The following LPAR6 variants were observed in gnomAD, a reference collection of about 807,000 sequenced individuals.
LPAR6 encodes G-protein coupled purinergic receptor P2Y5.
A neutral mutation model predicts 22.0 loss-of-function variants in LPAR6; 17 were observed. The observed-to-expected ratio is 0.77, with a 90% confidence interval of 0.53 to 1.16. The LOEUF (loss-of-function observed/expected upper bound fraction) is 1.16, where lower values mean the gene tolerates loss of function less well. Among genes scored for constraint, LPAR6 ranks in the 50% most tolerant of loss-of-function variants. The pLI, the probability that LPAR6 is intolerant of heterozygous loss-of-function variation, is 0.00. For missense variants in LPAR6, 384 were observed against 406.9 expected, an observed-to-expected ratio of 0.94 and a Z score of 0.48; for synonymous variants, 136 against 139.8, an observed-to-expected ratio of 0.97 and a Z score of 0.19.
At chr13:48,391,706 C>T (rs1948612186) in intron 1 of LPAR6, among the ~76,000 whole-genome samples, 1 of 152,028 alleles carries the variant, frequency 6.6e-6, no homozygotes, top group South Asian at 2.1e-4. Flanking sequence ...GCAACCTCCA[C>T]CTCCTGGGTT....
At chr13:48,405,384 T>C (rs1948730852) in intron 1 of LPAR6, among the ~76,000 whole-genome samples, 1 of 152,210 alleles carries the variant, frequency 6.6e-6, no homozygotes, top group Non-Finnish European at 1.5e-5. Context: ...TTTTGAAGAA[T>C]TTTAAGATTC....
exon 2 of LPAR6, chr13:48,389,713 A>G (rs1948597381): frequency 6.6e-6 from 1 of 152,210 alleles, no homozygotes; most frequent in Non-Finnish European, 1.5e-5. Context: ...TTCTTCACTC[A>G]CAGGTCTGGC....
At chr13:48,399,991 A>G (rs1413591157) in intron 1 of LPAR6, among the ~76,000 whole-genome samples, 1 of 152,030 alleles carries the variant, frequency 6.6e-6, no homozygotes, top group Admixed American at 6.6e-5. Context: ...CTCTTTGTTC[A>G]TTAATTGGCA....
chr13:48,391,890 G>A (rs969723008), intron 1 of LPAR6, among the ~76,000 whole-genome samples: 1 of 152,056 alleles, frequency 6.6e-6, no homozygotes, highest in Non-Finnish European at 1.5e-5. Context: ...AAAGGGCTGG[G>A]ATTACTGGCA....
At chr13:48,429,259 A>G (rs1227749111), upstream of LPAR6, 1 of 152,260 alleles carries the variant, frequency 6.6e-6, no homozygotes, top group Non-Finnish European at 1.5e-5. Context: ...GTAAGAAACT[A>G]GAAAGGATTG....
chr13:48,432,605 A>C (rs925712736), intron 1 of LPAR6, among the ~76,000 whole-genome samples: 1 of 152,052 alleles, frequency 6.6e-6, no homozygotes, highest in African/African-American at 2.4e-5. Flanking sequence ...TGCTTTGGTT[A>C]GCATCCTGTT....
intron 1 of LPAR6, among the ~76,000 whole-genome samples, chr13:48,394,158 C>T (rs1389652497): frequency 6.6e-6 from 1 of 152,184 alleles, no homozygotes; most frequent in African/African-American, 2.4e-5. Flanking sequence ...GGTTGGGGAA[C>T]TCCCTCCCCT....
intron 1 of LPAR6, chr13:48,401,311 C>T (rs993367682): frequency 6.6e-6 from 1 of 152,050 alleles, no homozygotes; most frequent in African/African-American, 2.4e-5. Context: ...CAAATCTTAA[C>T]TGGAATTGTG....
rs1348122978 is a variant in LPAR6, at chr13:48,412,713, C to T, written c.-290G>A. The T allele has an allele frequency of 4.3e-6, 2 of 460,380 alleles. No individual in the cohort carries two copies. The highest frequency in any genetic ancestry group is 4.0e-5 in the African/African-American group (2 of 50,194). The allele number at this position is 460,380 out of a possible 1,614,324, so 28.5% of individuals were successfully genotyped here. Reference sequence around the variant, plus strand: ...ACTGACGAGCAACCTTTAAAAAATACAGTCAACGAGTCCAACCCATAGGAT... The same window carrying T: ...ACTGACGAGCAACCTTTAAAAAATATAGTCAACGAGTCCAACCCATAGGAT... On this transcript the variant is annotated 5_prime_UTR_variant, in exon 1 of 1. Transcript: ENST00000620633.
intron 1 of LPAR6, among the ~76,000 whole-genome samples, chr13:48,440,969 A>T (rs562310978): frequency 6.6e-6 from 1 of 152,228 alleles, no homozygotes; most frequent in South Asian, 2.1e-4. Flanking sequence ...TCCTGCAGAC[A>T]TTCTAAGGAT....
intron 1 of LPAR6, among the ~76,000 whole-genome samples, chr13:48,437,940 C>G (rs1949200419): frequency 6.6e-6 from 1 of 152,078 alleles, no homozygotes; most frequent in Non-Finnish European, 1.5e-5. Context: ...GAAAACAAAT[C>G]CTATTATCAG....
chr13:48,418,664 C>A (rs1252723061), intron 2 of LPAR6, among the ~76,000 whole-genome samples: 2 of 150,172 alleles, frequency 1.3e-5, no homozygotes, highest in South Asian at 2.1e-4. Context: ...AAGACACGTG[C>A]TCTAAATAAG....
At chr13:48,429,103 A>G (rs141022556), upstream of LPAR6, among the ~76,000 whole-genome samples, 846 of 152,240 alleles carry the variant, frequency 5.6e-3, 5 homozygotes, top group Middle Eastern at 0.01. Flanking sequence ...ATATTTGCTG[A>G]TTTTTCATAT....
chr13:48,422,112 C>T (rs1157255668), intron 2 of LPAR6, among the ~76,000 whole-genome samples: 1 of 152,100 alleles, frequency 6.6e-6, no homozygotes, highest in African/African-American at 2.4e-5. Context: ...GACTTGGAAC[C>T]CACCCAAATG....
chr13:48,418,155 GA>G (rs1336230662), intron 2 of LPAR6, among the ~76,000 whole-genome samples: 2 of 152,134 alleles, frequency 1.3e-5, no homozygotes, highest in East Asian at 1.9e-4. Context: ...CCTACAAAGG[GA>G]AGCCCATCAG....
intron 2 of LPAR6, among the ~76,000 whole-genome samples, chr13:48,418,254 AC>A (rs1948947459): frequency 6.6e-6 from 1 of 151,364 alleles, no homozygotes; most frequent in African/African-American, 2.4e-5. Context: ...GGAATTTTCA[AC>A]CCAGAATTTT....
intron 2 of LPAR6, among the ~76,000 whole-genome samples, chr13:48,420,225 G>C (rs1052744431): frequency 5.9e-5 from 9 of 152,140 alleles, no homozygotes; most frequent in Non-Finnish European, 1.3e-4. Flanking sequence ...TGCAAGGCTG[G>C]TTCAACATAT....
chr13:48,442,129 A>G (rs1593520467), intron 1 of LPAR6, among the ~76,000 whole-genome samples: 1 of 151,958 alleles, frequency 6.6e-6, no homozygotes, highest in Admixed American at 6.6e-5. Context: ...GAACTTTCCT[A>G]TTCCTCTTTT....
intron 1 of LPAR6, among the ~76,000 whole-genome samples, chr13:48,403,926 G>T (rs1270761662): frequency 2.0e-5 from 3 of 152,104 alleles, no homozygotes. Context: ...GCTTGAGCCT[G>T]GGAAGTTGAG....
Sources: allele counts gnomAD v4.1 joint callset (sites outside exome capture counted in the v4.1 genomes callset), GRCh38; gene constraint gnomAD v4.1.1; transcripts MANE v1.5; gene names NCBI Gene and HGNC (gene_info 2026-07-23, HGNC 2026-07-21).